Variants in RBPJ observed in about 807,000 individuals in gnomAD.
The protein encoded by RBPJ is recombining binding protein suppressor of hairless.
In RBPJ, 9 loss-of-function variants were observed where a neutral mutation model predicts 67.8. That is an observed-to-expected ratio of 0.13 (90% CI 0.08 to 0.23). The LOEUF (loss-of-function observed/expected upper bound fraction) is 0.23, where lower values mean the gene tolerates loss of function less well. Among genes scored for constraint, RBPJ ranks in the 10% least tolerant of loss-of-function variants. The probability of loss-of-function intolerance (pLI) is 1.00; values close to 1 mark genes in which losing one functional copy is unlikely to be tolerated. For missense variants in RBPJ, 305 were observed against 595.6 expected, an observed-to-expected ratio of 0.51 and a Z score of 5.08; for synonymous variants, 198 against 203.3, an observed-to-expected ratio of 0.97 and a Z score of 0.22.
chr4:26,334,290 C>T (rs192909804), intron 1 of RBPJ, among the ~76,000 whole-genome samples: 94 of 152,208 alleles, frequency 6.2e-4, no homozygotes, highest in African/African-American at 2.2e-3. Context: ...GATCTGCCTG[C>T]CTTGGCCTTC....
chr4:26,317,077 A>G (rs1722676142), upstream of RBPJ, among the ~76,000 whole-genome samples: 1 of 151,742 alleles, frequency 6.6e-6, no homozygotes, highest in South Asian at 2.1e-4. Flanking sequence ...TGAACAAACT[A>G]GACAAAAGTC....
At chr4:26,231,257 G>T (rs1434443814) in intron 1 of RBPJ, among the ~76,000 whole-genome samples, 1 of 152,182 alleles carries the variant, frequency 6.6e-6, no homozygotes, top group African/African-American at 2.4e-5. Flanking sequence ...AATTGATTTA[G>T]CTGGGCGATT....
At chr4:26,132,578 C>T in the RBPJ span, among the ~76,000 whole-genome samples, 10 of 152,164 alleles carry the variant, frequency 6.6e-5, no homozygotes, top group Admixed American at 1.3e-4. Context: ...CCTGCCCTCC[C>T]GCTGCACTGT....
chr4:26,132,491 G>C, the RBPJ span, among the ~76,000 whole-genome samples: 3 of 151,960 alleles, frequency 2.0e-5, no homozygotes, highest in African/African-American at 7.3e-5. Flanking sequence ...TTCCAGAGCT[G>C]TCTGCCCAGG....
intron 1 of RBPJ, among the ~76,000 whole-genome samples, chr4:26,192,647 C>CAG (rs1300826089): frequency 6.6e-6 from 1 of 152,180 alleles, no homozygotes; most frequent in Non-Finnish European, 1.5e-5. Context: ...AGGAAGTGAA[C>CAG]AGAGACCAGT....
At chr4:26,146,294 A>G in the RBPJ span, among the ~76,000 whole-genome samples, 22 of 152,326 alleles carry the variant, frequency 1.4e-4, no homozygotes, top group African/African-American at 5.3e-4. Flanking sequence ...TTACTGGGGA[A>G]AAGAGAGGCT....
chr4:26,293,226 C>T (rs1721731945), intron 1 of RBPJ, among the ~76,000 whole-genome samples: 1 of 150,602 alleles, frequency 6.6e-6, no homozygotes, highest in Non-Finnish European at 1.5e-5. Flanking sequence ...CTGCAGGCCT[C>T]AGGGCTTTGC....
intron 5 of RBPJ, among the ~76,000 whole-genome samples, chr4:26,422,013 C>G (rs1735186077): frequency 6.6e-6 from 1 of 152,100 alleles, no homozygotes; most frequent in Non-Finnish European, 1.5e-5. Context: ...TGTTTTCCTT[C>G]TATGTCATTT....
In RBPJ at chr4:26,289,897, T is replaced by C. The variant is rs1031359864; in HGVS notation, c.-166-72549T>C. Reference sequence around the variant, plus strand: ...GAGTTGTGAGAGTGCTTGAATGACCTGCTAAATCTTGTTAATTTGTCTTGG... The same window carrying C: ...GAGTTGTGAGAGTGCTTGAATGACCCGCTAAATCTTGTTAATTTGTCTTGG... On this transcript the variant is annotated intron_variant, in intron 1 of 4. Coordinates refer to the RBPJ transcript ENST00000512351. Among the ~76,000 whole-genome samples the C allele has an allele frequency of 9.3e-5, 14 of 150,830 alleles. 1 individual carries two copies. Among genetic ancestry groups the C allele is most frequent in the African/African-American group, 2.9e-4 (12 of 40,958 alleles).
chr4:26,421,414 CT>C (rs1384776839), intron 5 of RBPJ, among the ~76,000 whole-genome samples: 1 of 152,074 alleles, frequency 6.6e-6, no homozygotes, highest in East Asian at 1.9e-4. Context: ...CCAATCCTCC[CT>C]GCCTCAGCCT....
intron 1 of RBPJ, among the ~76,000 whole-genome samples, chr4:26,336,740 C>T (rs1724875022): frequency 6.6e-6 from 1 of 151,132 alleles, no homozygotes; most frequent in African/African-American, 2.4e-5. Flanking sequence ...AGGTTTTTCT[C>T]TTTAAAACAC....
At chr4:26,324,073 G>C (rs1221653881) in intron 1 of RBPJ, among the ~76,000 whole-genome samples, 1 of 152,136 alleles carries the variant, frequency 6.6e-6, no homozygotes, top group Non-Finnish European at 1.5e-5. Context: ...TAACTATGTA[G>C]TAAAATGGGA....
chr4:26,354,697 G>A (rs530038776), intron 1 of RBPJ, among the ~76,000 whole-genome samples: 36 of 152,176 alleles, frequency 2.4e-4, no homozygotes, highest in African/African-American at 8.7e-4. Flanking sequence ...TGATCGGGTC[G>A]CCTTGGCCTC....
chr4:26,302,523 C>T (rs1479983294), intron 1 of RBPJ, among the ~76,000 whole-genome samples: 2 of 152,160 alleles, frequency 1.3e-5, no homozygotes, highest in Non-Finnish European at 2.9e-5. Context: ...GCTTATTACC[C>T]TTCAAGTCTC....
chr4:26,327,161 T>G (rs777574830), intron 1 of RBPJ, among the ~76,000 whole-genome samples: 3 of 152,184 alleles, frequency 2.0e-5, no homozygotes, highest in Non-Finnish European at 4.4e-5. Flanking sequence ...TATGCCTCAT[T>G]AGACCTGCTG....
chr4:26,428,911 A>G (rs373480913), intron 8 of RBPJ, 51 bp downstream of exon 8: 11 of 1,415,742 alleles, frequency 7.8e-6, no homozygotes, highest in Non-Finnish European at 1.1e-5. Flanking sequence ...CTGTGAGGTT[A>G]GCAGCTTGCA....
At chr4:26,428,633 A>G (rs1735921302) in intron 7 of RBPJ, 87 bp from the exon 8 acceptor site, 4 of 971,450 alleles carry the variant, frequency 4.1e-6, no homozygotes, top group Non-Finnish European at 6.5e-6. Context: ...TATGCAGTAT[A>G]TAGCTTCTAT....
At chr4:26,392,534 T>A (rs923961634) in intron 2 of RBPJ, among the ~76,000 whole-genome samples, 2 of 152,214 alleles carry the variant, frequency 1.3e-5, no homozygotes, top group Non-Finnish European at 2.9e-5. Flanking sequence ...TTAAAATAAT[T>A]ATATTCAATT....
intron 1 of RBPJ, among the ~76,000 whole-genome samples, chr4:26,334,495 A>G (rs1387859248): frequency 6.6e-6 from 1 of 152,136 alleles, no homozygotes; most frequent in Admixed American, 6.6e-5. Flanking sequence ...TTTTGTACAA[A>G]GGAGAGCATA....
Sources: allele counts gnomAD v4.1 joint callset (sites outside exome capture counted in the v4.1 genomes callset), GRCh38; gene constraint gnomAD v4.1.1; transcripts MANE v1.5; gene names NCBI Gene and HGNC (gene_info 2026-07-23, HGNC 2026-07-21).